EPHA10: variants seen among roughly 807,000 people sequenced by gnomAD.
EPHA10 encodes ephrin type-A receptor 10.
In EPHA10, 120 loss-of-function variants were observed where a neutral mutation model predicts 109.7. The observed-to-expected ratio is 1.09, with a 90% CI of 0.94 to 1.27. The LOEUF (loss-of-function observed/expected upper bound fraction) is 1.27. EPHA10 is among the 50% of genes most tolerant of loss of function. EPHA10 has a pLI of 0.00. For synonymous variants in EPHA10, 640 were observed against 618.9 expected, an observed-to-expected ratio of 1.03 and a Z score of -0.51; for missense variants, 1,396 against 1,411.1, an observed-to-expected ratio of 0.99 and a Z score of 0.17.
intron 3 of EPHA10, among the ~76,000 whole-genome samples, chr1:37,757,598 C>T (rs879453342): frequency 6.6e-6 from 1 of 152,192 alleles, no homozygotes; most frequent in Non-Finnish European, 1.5e-5. Flanking sequence ...CTCCCCAAGG[C>T]AGAGCTGAGG....
At chr1:37,743,111 G>A (rs1646180416) in intron 5 of EPHA10, among the ~76,000 whole-genome samples, 1 of 151,988 alleles carries the variant, frequency 6.6e-6, no homozygotes, top group South Asian at 2.1e-4. Flanking sequence ...CATCTTTTTT[G>A]TTGTTGTTGA....
rs766881731 is a variant in EPHA10 at position 37,731,537 on chromosome 1, T to A, written c.1537A>T (p.Thr513Ser). The change falls in exon 7 of 17, where the codon ACA becomes TCA. Residue 513 changes from threonine to serine, a missense_variant. Transcript: ENST00000373048. Reference protein sequence around the residue: ...TYSMVKTGAPTVTVTNLKPAT... With the variant: ...TYSMVKTGAPSVTVTNLKPAT... ...GGCTTCAGGTTGGTGACGGTGACTG[T>A]GGGCGCCCCTGTCTTCACCATGGAG... 1 of 1,614,016 alleles carries A rather than the reference T, an allele frequency of 6.2e-7. No homozygotes were observed. Among genetic ancestry groups the A allele is most frequent in the South Asian group, 1.1e-5 (1 of 91,062 alleles).
intron 3 of EPHA10, among the ~76,000 whole-genome samples, chr1:37,757,908 A>C (rs1646402689): frequency 2.0e-5 from 3 of 152,040 alleles, no homozygotes; most frequent in Admixed American, 2.0e-4. Flanking sequence ...GAATACACAA[A>C]TGCCCCCATC....
chr1:37,722,827 C>T (rs1168564631), intron 10 of EPHA10: 2 of 718,182 alleles, frequency 2.8e-6, no homozygotes, highest in East Asian at 2.8e-5. Flanking sequence ...GAGAGGGTCA[C>T]AGACCCTTCT....
At chr1:37,760,432 A>T (rs1322419079) in intron 3 of EPHA10, 1 of 1,055,976 alleles carries the variant, frequency 9.5e-7, no homozygotes, top group Non-Finnish European at 1.1e-6. Context: ...AACATGAAGG[A>T]TCTCCCCCAG....
At chr1:37,727,713 G>C (rs1041803712) in intron 7 of EPHA10, among the ~76,000 whole-genome samples, 9 of 152,220 alleles carry the variant, frequency 5.9e-5, no homozygotes, top group African/African-American at 1.9e-4. Flanking sequence ...TCATCTTACA[G>C]CTGAGGAAAC....
At position 37,723,321 on chromosome 1, in the gene EPHA10, C is replaced by T. The variant is rs1645833045; in HGVS notation, c.1824G>A (p.Leu608=). 6.2e-7 allele frequency: 1 copy of T among 1,614,158 alleles called. No homozygotes were observed. Among genetic ancestry groups the T allele is most frequent in the Non-Finnish European group, 8.5e-7 (1 of 1,180,008 alleles). The part of the protein sequence containing the change: ...GGGDAHDEEE[L]YFHFKVPTRR... The stretch of plus-strand genomic sequence containing the variant: ...GCCCAGCCAACTCACAGTGGAAATA[C>T]AGCTCCTCTTCATCATGGGCATCCC... The change falls in exon 9 of 17, where the codon CTG becomes CTA. Residue 608 remains leucine (L), a synonymous_variant. Transcript: ENST00000373048.
At position 37,753,100 on chromosome 1, in the gene EPHA10, A is replaced by G; in HGVS notation, c.1133T>C (p.Leu378Pro). ...RSDVTYSLLC[L>P]RCGREGPAGA... is the part of the protein sequence containing the mutation. ...CGCCGGGCCCTCGCGGCCGCAGCGC[A>G]GGCACAGCAGCGAGTAGGTGACGTC... Residue 378 changes from leucine to proline, a missense_variant, in exon 5 of 17, where the codon CTG (leucine) becomes CCG (proline). By Grantham distance (98) the Leu-to-Pro change is moderately conservative. Coordinates refer to ENST00000373048, the MANE Select transcript of EPHA10 (RefSeq NM_001099439.2). 7.3e-7 allele frequency: 1 copy of G among 1,363,170 alleles called. No homozygotes were observed. The highest frequency in any genetic ancestry group is 9.5e-7 in the Non-Finnish European group (1 of 1,056,328). The allele number at this position is 1,363,170 out of a possible 1,614,324, so 84.4% of individuals were successfully genotyped here. A position where few individuals can be genotyped will look rare whatever the true frequency, so the allele number is the denominator to read the frequency against.
Position 37,721,707 on chromosome 1 carries a change from T to C in EPHA10, c.2099A>G (p.Gln700Arg). Residue 700 changes from glutamine (Q) to arginine (R), a missense_variant, in exon 11 of 17, where the codon CAG (glutamine) becomes CGG (arginine). Coordinates refer to ENST00000373048, the MANE Select transcript of EPHA10 (RefSeq NM_001099439.2). ...GFLAEALTLG[Q>R]FDHSHIVRLE... is the part of the protein sequence containing the mutation. ...CCGCACGATGTGGCTATGGTCAAACTGGCCCAGCGTGAGGGCCTCGGCCAG... is the reference window on the plus strand; with the variant it reads ...CCGCACGATGTGGCTATGGTCAAACCGGCCCAGCGTGAGGGCCTCGGCCAG... The C allele has an allele frequency of 6.2e-7, 1 of 1,612,178 alleles. No homozygotes were observed. Among genetic ancestry groups the C allele is most frequent in the Non-Finnish European group, 8.5e-7 (1 of 1,179,782 alleles).
At position 37,720,378 on chromosome 1, in the gene EPHA10, G is replaced by A. The variant is rs1645769968; in HGVS notation, c.2385C>T (p.Asp795=). 1.2e-6 allele frequency: 2 copies of A among 1,611,874 alleles called. No individual in the cohort carries two copies. Among genetic ancestry groups the A allele is most frequent in the Non-Finnish European group, 1.7e-6 (2 of 1,179,630 alleles). The change falls in exon 13 of 17, where the codon GAC becomes GAT. Residue 795 remains aspartate, a synonymous_variant. Coordinates refer to ENST00000373048, the MANE Select transcript of EPHA10 (RefSeq NM_001099439.2). The part of the protein sequence containing the change: ...KISGFGRGPR[D]RSEAVYTTMS... ...TAGTGGTGTAGACAGCCTCTGATCG[G>A]TCCCGGGGGCCCCGCCCGAAGCCAG...
intron 7 of EPHA10, among the ~76,000 whole-genome samples, chr1:37,728,289 C>T (rs1347943210): frequency 1.3e-5 from 2 of 152,080 alleles, no homozygotes; most frequent in Non-Finnish European, 2.9e-5. Flanking sequence ...GGGCCTTGAA[C>T]GCTAAGCTAA....
intron 5 of EPHA10, chr1:37,737,965 C>G (rs892514797): frequency 8.4e-5 from 3 of 35,568 alleles, no homozygotes; most frequent in Non-Finnish European, 1.7e-4. Context: ...TTTTTGCTAT[C>G]AAGCGAGGCA....
chr1:37,722,807 T>C (rs1259405278), intron 10 of EPHA10: 1 of 667,994 alleles, frequency 1.5e-6, no homozygotes, highest in Admixed American at 2.1e-5. Context: ...GGTCTGACCT[T>C]GAGGACCAGG....
At chr1:37,741,811 T>G (rs963900287) in intron 5 of EPHA10, among the ~76,000 whole-genome samples, 2 of 149,036 alleles carry the variant, frequency 1.3e-5, no homozygotes, top group African/African-American at 4.9e-5. Context: ...CAGCCAGCAC[T>G]CTACTGCAGA....
chr1:37,733,747 A>G (rs993309636), intron 6 of EPHA10, among the ~76,000 whole-genome samples: 22 of 148,108 alleles, frequency 1.5e-4, no homozygotes, highest in African/African-American at 5.5e-4. Context: ...CTCTCCCCCA[A>G]TTTCTCCCCT....
At chr1:37,761,300 C>G (rs1297784478) in intron 3 of EPHA10, 105 bp downstream of exon 3, 8 of 1,542,100 alleles carry the variant, frequency 5.2e-6, no homozygotes, top group Non-Finnish European at 7.0e-6. Context: ...GGCTTCTCCA[C>G]CGCCCCCCGA....
At chr1:37,759,854 C>T (rs1208915010) in intron 3 of EPHA10, among the ~76,000 whole-genome samples, 1 of 151,868 alleles carries the variant, frequency 6.6e-6, no homozygotes, top group Non-Finnish European at 1.5e-5. Context: ...TAGATCAGTG[C>T]ATACCATGGG....
intron 5 of EPHA10, among the ~76,000 whole-genome samples, chr1:37,752,623 G>T (rs1036745528): frequency 6.6e-6 from 1 of 152,154 alleles, no homozygotes; most frequent in Non-Finnish European, 1.5e-5. Context: ...ACAGAACCGC[G>T]CGCCTCCCCT....
In EPHA10 at chr1:37,718,365, G is replaced by C; in HGVS notation, c.*7C>G. The C allele has an allele frequency of 6.3e-7, 1 of 1,596,302 alleles. No homozygotes were observed. The highest frequency in any genetic ancestry group is 1.1e-5 in the South Asian group (1 of 88,498). The stretch of plus-strand genomic sequence containing the variant: ...CCGGAGTCCTGCCTTGGAAGAATGG[G>C]GTCCACTCACACCTGCACCCCCTGG... On this transcript the variant is annotated 3_prime_UTR_variant, in exon 17 of 17. Transcript: ENST00000373048.
Sources: gnomAD v4.1 joint callset for allele counts (sites outside exome capture counted in the v4.1 genomes callset) on GRCh38, gnomAD v4.1.1 for gene constraint, MANE v1.5 for transcripts, NCBI Gene and HGNC (gene_info 2026-07-23, HGNC 2026-07-21) for gene names.